Variants in GRM7 observed in about 807,000 individuals in gnomAD.
The protein encoded by GRM7 is glutamate metabotropic receptor 7, also known as metabotropic glutamate receptor 7.
A neutral mutation model predicts 84.5 loss-of-function variants in GRM7; 35 were observed. That is an observed-to-expected ratio of 0.41 (90% CI 0.32 to 0.55). The LOEUF (loss-of-function observed/expected upper bound fraction) is 0.55, where lower values mean the gene tolerates loss of function less well. Among genes scored for constraint, GRM7 ranks in the 20% least tolerant of loss-of-function variants. GRM7 has a pLI of 0.19. For synonymous variants in GRM7, 487 were observed against 455.1 expected (o/e 1.07, Z -0.89); for missense variants, 1,003 against 1,194.6 (o/e 0.84, Z 2.36).
In GRM7 at chr3:7,347,281, G is replaced by T. The variant is rs370784318; in HGVS notation, c.1033+40629G>T. Among the ~76,000 whole-genome samples the T allele has an allele frequency of 1.0e-3, 154 of 152,256 alleles. 7 individuals carry two copies. In the South Asian group the frequency reaches 0.031, roughly 30 times the overall value. ...AGGCTGCTCCTTATAATGCCTTAGA[G>T]TTTGAGAAAACATGCCTAGACCTCT... On this transcript the variant is annotated intron_variant, in intron 4 of 9. Coordinates refer to ENST00000357716, the MANE Select transcript of GRM7 (RefSeq NM_000844.4).
chr3:7,027,192 C>A (rs1348253897), intron 1 of GRM7, among the ~76,000 whole-genome samples: 1 of 152,226 alleles, frequency 6.6e-6, no homozygotes, highest in Non-Finnish European at 1.5e-5. Context: ...CTGCTTTCAA[C>A]CTCTTTTGTG....
At chr3:7,041,870 G>T (rs1199783721) in intron 1 of GRM7, among the ~76,000 whole-genome samples, 1 of 152,198 alleles carries the variant, frequency 6.6e-6, no homozygotes, top group Non-Finnish European at 1.5e-5. Flanking sequence ...CTCTAAGGAG[G>T]GGCAAGGGGG....
At chr3:7,541,916 G>A (rs188911055) in intron 7 of GRM7, among the ~76,000 whole-genome samples, 28 of 152,234 alleles carry the variant, frequency 1.8e-4, no homozygotes, top group Admixed American at 1.6e-3. Flanking sequence ...AGAAACTCAC[G>A]GTAGAAATCT....
At chr3:7,550,754 G>A (rs1338278899) in intron 7 of GRM7, among the ~76,000 whole-genome samples, 1 of 151,912 alleles carries the variant, frequency 6.6e-6, no homozygotes, top group Non-Finnish European at 1.5e-5. Flanking sequence ...CAGGTACGCT[G>A]GTGTTTGGTC....
At chr3:7,466,649 G>A (rs1274150041) in intron 7 of GRM7, among the ~76,000 whole-genome samples, 1 of 152,168 alleles carries the variant, frequency 6.6e-6, no homozygotes, top group Non-Finnish European at 1.5e-5. Context: ...GTCAATTAAA[G>A]CATTTTTAGA....
intron 8 of GRM7, among the ~76,000 whole-genome samples, chr3:7,625,132 A>G (rs1458397510): frequency 6.6e-6 from 1 of 152,146 alleles, no homozygotes; most frequent in Non-Finnish European, 1.5e-5. Context: ...GTGTATCACA[A>G]TTGGCCCCTT....
At chr3:7,601,387 A>T (rs556645086) in intron 8 of GRM7, among the ~76,000 whole-genome samples, 1 of 152,074 alleles carries the variant, frequency 6.6e-6, no homozygotes, top group Admixed American at 6.6e-5. Flanking sequence ...AGTGAGAGAG[A>T]CAGGGGTTCT....
At chr3:6,930,983 T>C (rs1697478663) in intron 1 of GRM7, among the ~76,000 whole-genome samples, 1 of 152,194 alleles carries the variant, frequency 6.6e-6, no homozygotes, top group African/African-American at 2.4e-5. Context: ...GCCCCATCCT[T>C]TCCCACTGTC....
At chr3:7,061,170 G>T (rs185220507) in intron 1 of GRM7, among the ~76,000 whole-genome samples, 361 of 151,804 alleles carry the variant, frequency 2.4e-3, no homozygotes, top group African/African-American at 8.4e-3. Flanking sequence ...TCTCCATAAG[G>T]CTGTTCATAC....
chr3:7,276,617 G>A, intron 2 of GRM7, among the ~76,000 whole-genome samples: 1 of 151,856 alleles, frequency 6.6e-6, no homozygotes, highest in Non-Finnish European at 1.5e-5. Flanking sequence ...TCCTAATTGT[G>A]AGGTTCCTTT....
At chr3:7,514,732 A>T (rs763556355) in intron 7 of GRM7, among the ~76,000 whole-genome samples, 3 of 152,174 alleles carry the variant, frequency 2.0e-5, no homozygotes, top group African/African-American at 4.8e-5. Context: ...ACATACATCA[A>T]TGCGTGGTGC....
At chr3:7,480,510 C>T (rs1286593870) in intron 7 of GRM7, among the ~76,000 whole-genome samples, 1 of 152,186 alleles carries the variant, frequency 6.6e-6, no homozygotes, top group African/African-American at 2.4e-5. Context: ...AGTCTGGCAT[C>T]GGCCCCATAA....
intron 2 of GRM7, among the ~76,000 whole-genome samples, chr3:7,298,261 A>G (rs1253457087): frequency 1.3e-5 from 2 of 152,162 alleles, no homozygotes; most frequent in African/African-American, 4.8e-5. Flanking sequence ...TGGGAATGCA[A>G]ACGCCACAAA....
intron 1 of GRM7, among the ~76,000 whole-genome samples, chr3:7,051,468 C>T (rs575177567): frequency 1.0e-3 from 154 of 151,898 alleles, no homozygotes; most frequent in South Asian, 2.3e-3. Context: ...TTCTGTCTTT[C>T]TGTTTCTTAG....
chr3:7,306,604 A>G lies in GRM7; in HGVS notation c.985A>G (p.Ile329Val). The change falls in exon 4 of 10, where the codon ATC becomes GTC. Residue 329 changes from isoleucine to valine, a missense_variant. By Grantham distance (29) the Ile-to-Val change is conservative. This residue lies in a region of GRM7 where 910 missense variants were observed against 1,126.0 expected (regional missense o/e 0.81). Transcript: ENST00000357716. ...KINPLHQHED[I>V]AEGAITIQPK... ...AAACCCACTGCACCAGCATGAAGAT[A>G]TCGCAGAAGGGGCCATCACCATTCA... 1.2e-6 allele frequency: 2 copies of G among 1,613,284 alleles called. No homozygotes were observed. The highest frequency in any genetic ancestry group is 1.7e-6 in the Non-Finnish European group (2 of 1,179,570).
intron 2 of GRM7, among the ~76,000 whole-genome samples, chr3:7,226,896 C>T (rs1697000893): frequency 6.6e-6 from 1 of 152,048 alleles, no homozygotes; most frequent in African/African-American, 2.4e-5. Flanking sequence ...AGAATTGAAC[C>T]ACACAAAGCC....
chr3:6,989,658 C>T (rs1269742079), intron 1 of GRM7, among the ~76,000 whole-genome samples: 2 of 152,118 alleles, frequency 1.3e-5, no homozygotes, highest in Non-Finnish European at 2.9e-5. Context: ...ACCTAAGAAG[C>T]CAAGACTAAA....
At chr3:7,152,557 C>T (rs1010119209) in intron 2 of GRM7, among the ~76,000 whole-genome samples, 3 of 152,294 alleles carry the variant, frequency 2.0e-5, no homozygotes, top group Non-Finnish European at 4.4e-5. Context: ...ACTTATTCAA[C>T]CTTCTGTGGA....
intron 7 of GRM7, among the ~76,000 whole-genome samples, chr3:7,551,793 G>A (rs1393569490): frequency 6.6e-6 from 1 of 152,022 alleles, no homozygotes; most frequent in African/African-American, 2.4e-5. Flanking sequence ...TACATGGTAG[G>A]CTCGTGTATT....
Sources: allele counts gnomAD v4.1 joint callset (sites outside exome capture counted in the v4.1 genomes callset), GRCh38; gene constraint gnomAD v4.1.1; regional missense constraint gnomAD v4.1.1; transcripts MANE v1.5; gene names NCBI Gene and HGNC (gene_info 2026-07-23, HGNC 2026-07-21).